KCNIP4: variants seen among roughly 807,000 people sequenced by gnomAD.
KCNIP4 encodes Kv channel-interacting protein 4.
In KCNIP4, 12 loss-of-function variants were observed where a neutral mutation model predicts 34.0. The ratio of observed to expected loss-of-function variants is 0.35; its 90% CI spans 0.23 to 0.57. The LOEUF (loss-of-function observed/expected upper bound fraction) is 0.57. Among genes scored for constraint, KCNIP4 ranks in the 20% least tolerant of loss-of-function variants. The probability of loss-of-function intolerance (pLI) is 0.83; values close to 1 mark genes in which losing one functional copy is unlikely to be tolerated. For missense variants in KCNIP4, 238 were observed against 311.7 expected (o/e 0.76, Z 1.78); for synonymous variants, 124 against 102.2 (o/e 1.21, Z -1.29).
chr4:21,340,041 A>T (rs1370290082), intron 1 of KCNIP4, among the ~76,000 whole-genome samples: 1 of 152,140 alleles, frequency 6.6e-6, no homozygotes, highest in Non-Finnish European at 1.5e-5. Context: ...TGTACACCAT[A>T]GGCACTATTT....
chr4:21,499,105 G>T (rs1733089701), intron 1 of KCNIP4, among the ~76,000 whole-genome samples: 1 of 151,980 alleles, frequency 6.6e-6, no homozygotes, highest in South Asian at 2.1e-4. Context: ...GGCTGAGGTG[G>T]GCAGATCACG....
intron 1 of KCNIP4, among the ~76,000 whole-genome samples, chr4:21,793,150 C>A (rs1045022710): frequency 2.0e-5 from 3 of 152,174 alleles, no homozygotes; most frequent in Admixed American, 6.5e-5. Flanking sequence ...GAAATCTATC[C>A]ATATATCAAT....
intron 1 of KCNIP4, among the ~76,000 whole-genome samples, chr4:21,334,560 A>C (rs1390332067): frequency 1.3e-5 from 2 of 152,070 alleles, no homozygotes; most frequent in Non-Finnish European, 2.9e-5. Context: ...TTAAGTGTAC[A>C]ACTGAATGAT....
chr4:21,469,125 T>C (rs939833612), intron 1 of KCNIP4, among the ~76,000 whole-genome samples: 24 of 152,120 alleles, frequency 1.6e-4, no homozygotes, highest in Non-Finnish European at 3.4e-4. Context: ...GATGAAGTGG[T>C]GCAATCGTGT....
chr4:21,156,672 G>C lies in KCNIP4; in HGVS notation c.62-273963C>G, dbSNP rs558082409. Among the ~76,000 whole-genome samples the C allele has an allele frequency of 3.3e-5, 5 of 152,200 alleles. No individual in the cohort carries two copies. In the East Asian group the frequency reaches 5.8e-4, roughly 18 times the overall value. On this transcript the variant is annotated intron_variant, in intron 1 of 8. Transcript: ENST00000382152. ...TCTGCCTAAGACACTAAGTAATAGA[G>C]CTGTGATTAGCATTTGAAATATTCA...
chr4:21,165,264 CG>C lies in KCNIP4; in HGVS notation c.62-282556del, dbSNP rs1434023360. Among the ~76,000 whole-genome samples, 5 of 4,406 alleles carry C rather than the reference CG, an allele frequency of 1.1e-3. 1 individual carries two copies. The highest frequency in any genetic ancestry group is 0.01 in the African/African-American group (5 of 486). 2.9% of individuals were successfully genotyped at this position (4,406 alleles called of 152,430 possible). A position where few individuals can be genotyped will look rare whatever the true frequency, so the allele number is the denominator to read the frequency against. Reference sequence around the variant, plus strand: ...CACACTCTGGGGACTGTGGTGGGGTCGGGGGAGGGGGGAGGGATAGCATTGG... The same window carrying C: ...CACACTCTGGGGACTGTGGTGGGGTCGGGGAGGGGGGAGGGATAGCATTGG... On this transcript the variant is annotated intron_variant, in intron 1 of 8. Coordinates refer to ENST00000382152, the MANE Select transcript of KCNIP4 (RefSeq NM_025221.6).
intron 1 of KCNIP4, among the ~76,000 whole-genome samples, chr4:21,343,298 A>G (rs1716938533): frequency 6.6e-6 from 1 of 152,154 alleles, no homozygotes; most frequent in Non-Finnish European, 1.5e-5. Context: ...ACTATTGGAA[A>G]GCCACAGGTA....
intron 1 of KCNIP4, among the ~76,000 whole-genome samples, chr4:21,414,641 T>A (rs147728666): frequency 0.013 from 1,996 of 152,276 alleles, 50 homozygotes; most frequent in African/African-American, 0.046. Context: ...CCCATGTTCA[T>A]TGCAGCACTA....
At chr4:21,393,920 T>A (rs1307938894) in intron 1 of KCNIP4, among the ~76,000 whole-genome samples, 1 of 152,156 alleles carries the variant, frequency 6.6e-6, no homozygotes, top group East Asian at 1.9e-4. Flanking sequence ...AGAATCTGTA[T>A]AAAAAATTTA....
intron 1 of KCNIP4, among the ~76,000 whole-genome samples, chr4:21,361,548 T>C (rs1483030462): frequency 6.6e-6 from 1 of 152,108 alleles, no homozygotes; most frequent in Non-Finnish European, 1.5e-5. Flanking sequence ...TTGCAAATCC[T>C]GCTAAAGTTT....
intron 1 of KCNIP4, among the ~76,000 whole-genome samples, chr4:21,276,361 CTTTTT>C (rs3080866): frequency 7.7e-6 from 1 of 129,220 alleles, no homozygotes; most frequent in African/African-American, 2.9e-5. Flanking sequence ...GAGATTTTCT[CTTTTT>C]TTTTTTTTTT....
At chr4:21,656,168 G>A (rs1747912540) in intron 1 of KCNIP4, among the ~76,000 whole-genome samples, 2 of 152,254 alleles carry the variant, frequency 1.3e-5, no homozygotes, top group Admixed American at 6.5e-5. Context: ...CCTAGCTTCT[G>A]GTGGTTTGCT....
At chr4:20,903,745 C>G (rs905236371) in intron 1 of KCNIP4, among the ~76,000 whole-genome samples, 2 of 152,144 alleles carry the variant, frequency 1.3e-5, no homozygotes, top group African/African-American at 4.8e-5. Context: ...AGGGCTGCGT[C>G]ACGGGCCATG....
intron 1 of KCNIP4, among the ~76,000 whole-genome samples, chr4:21,257,905 A>G (rs556398884): frequency 6.6e-6 from 1 of 152,302 alleles, no homozygotes; most frequent in South Asian, 2.1e-4. Context: ...AAAGAGCTGA[A>G]CATGATTTGG....
At chr4:21,491,298 C>T (rs1420648210) in intron 1 of KCNIP4, among the ~76,000 whole-genome samples, 1 of 152,046 alleles carries the variant, frequency 6.6e-6, no homozygotes, top group African/African-American at 2.4e-5. Flanking sequence ...GGTTTTTTGC[C>T]TTTGCCAACA....
intron 3 of KCNIP4, among the ~76,000 whole-genome samples, chr4:20,809,844 G>C (rs923786594): frequency 1.3e-5 from 2 of 152,150 alleles, no homozygotes; most frequent in African/African-American, 4.8e-5. Flanking sequence ...TATATGAACT[G>C]CTTGTTCTTA....
intron 1 of KCNIP4, among the ~76,000 whole-genome samples, chr4:21,259,885 C>CTGTGTGTGTGTGTG (rs4054880): frequency 0.034 from 4,942 of 145,930 alleles, 124 homozygotes; most frequent in African/African-American, 0.052. Flanking sequence ...GCGCCCAAGA[C>CTGTGTGTGTGTGTG]TGTGTGTGTG....
chr4:20,864,009 A>AATTTATGTATGTATACATACAT (rs1722488233), intron 2 of KCNIP4, among the ~76,000 whole-genome samples: 1 of 124,556 alleles, frequency 8.0e-6, no homozygotes, highest in African/African-American at 2.8e-5. Context: ...CGTACATGTA[A>AATTTATGTATGTATACATACAT]ATGTGTGTAT....
At chr4:21,360,770 C>T (rs13124591) in intron 1 of KCNIP4, among the ~76,000 whole-genome samples, 5,037 of 152,020 alleles carry the variant, frequency 0.033, 211 homozygotes, top group East Asian at 0.2. Flanking sequence ...GGTGAAACAG[C>T]CTAAAAATAG....
Sources: allele counts gnomAD v4.1 joint callset (sites outside exome capture counted in the v4.1 genomes callset), GRCh38; gene constraint gnomAD v4.1.1; transcripts MANE v1.5; gene names NCBI Gene and HGNC (gene_info 2026-07-23, HGNC 2026-07-21).